Variants in SP140L observed in about 807,000 individuals in gnomAD.
The protein encoded by SP140L is nuclear body protein SP140-like protein.
A neutral mutation model predicts 84.3 loss-of-function variants in SP140L; 64 were observed. The observed-to-expected ratio is 0.76, with a 90% CI of 0.62 to 0.94. The LOEUF (loss-of-function observed/expected upper bound fraction) is 0.94. Ranked by LOEUF, SP140L falls within the 40% of genes least tolerant of loss-of-function variation. SP140L has a pLI of 0.00. For missense variants in SP140L, 628 were observed against 692.5 expected (o/e 0.91, Z 1.05); for synonymous variants, 242 against 236.9 (o/e 1.02, Z -0.20).
chr2:230,336,479 T>A (rs929010048), intron 2 of SP140L, among the ~76,000 whole-genome samples: 4 of 152,202 alleles, frequency 2.6e-5, no homozygotes, highest in Admixed American at 2.6e-4. Context: ...ACCTGTTTCA[T>A]GAGAATCTAT....
Position 230,375,814 on chromosome 2 carries a change from C to T in SP140L, c.637+4163C>T, listed in dbSNP as rs915856210. On this transcript the variant is annotated intron_variant, in intron 7 of 18. Coordinates refer to ENST00000415673, the MANE Select transcript of SP140L (RefSeq NM_138402.6). ...TCCTTATATATTCTGGGCAATAACC[C>T]TTATCAAATACATGGTTTGCAAATA... is the stretch of plus-strand genomic sequence containing the variant. Among the ~76,000 whole-genome samples, 8 of 152,084 alleles carry T rather than the reference C, an allele frequency of 5.3e-5. No homozygotes were observed. In the East Asian group the frequency reaches 1.5e-3, roughly 29 times the overall value.
chr2:230,402,909 A>G lies in SP140L; in HGVS notation c.*13A>G. 1 of 1,594,412 alleles carries G rather than the reference A, an allele frequency of 6.3e-7. No individual in the cohort carries two copies. Among genetic ancestry groups the G allele is most frequent in the Non-Finnish European group, 8.5e-7 (1 of 1,171,500 alleles). The stretch of plus-strand genomic sequence containing the variant: ...TGGGAACAGTTGACTGGTTTAGTGG[A>G]TGCTGAAGGCCTTCAGGAAATATGC... On this transcript the variant is annotated 3_prime_UTR_variant, in exon 19 of 19. Transcript: ENST00000415673.
At chr2:230,376,837 G>A (rs1301097699) in intron 7 of SP140L, among the ~76,000 whole-genome samples, 1 of 152,004 alleles carries the variant, frequency 6.6e-6, no homozygotes, top group Non-Finnish European at 1.5e-5. Context: ...CAAAGCAAGA[G>A]TAATCAAAAC....
chr2:230,365,939 C>T (rs995013564), intron 5 of SP140L, among the ~76,000 whole-genome samples: 1 of 152,076 alleles, frequency 6.6e-6, no homozygotes, highest in Non-Finnish European at 1.5e-5. Flanking sequence ...AATTAAAAAA[C>T]TCTTCTTGTT....
intron 5 of SP140L, among the ~76,000 whole-genome samples, chr2:230,366,742 A>ATTATTT (rs1335513353): frequency 6.9e-6 from 1 of 144,030 alleles, no homozygotes; most frequent in Non-Finnish European, 1.5e-5. Flanking sequence ...TATTATTATT[A>ATTATTT]TTATTTTTGG....
At chr2:230,369,474 A>G (rs2060986563) in intron 5 of SP140L, among the ~76,000 whole-genome samples, 1 of 152,248 alleles carries the variant, frequency 6.6e-6, no homozygotes, top group South Asian at 2.1e-4. Flanking sequence ...TTGGAGGTTC[A>G]GACCATGTGT....
Position 230,402,959 on chromosome 2 carries a change from T to G in SP140L, c.*63T>G, listed in dbSNP as rs2062422407. The G allele has an allele frequency of 7.4e-7, 1 of 1,349,992 alleles. No individual in the cohort carries two copies. The highest frequency in any genetic ancestry group is 1.5e-5 in the African/African-American group (1 of 67,630). 83.6% of individuals were successfully genotyped at this position (1,349,992 alleles called of 1,614,324 possible). Reference sequence around the variant, plus strand: ...CTACTGGTTGCCACTGACTTCAAACTGAGAGCACTTGGGAAATAGCACATG... The same window carrying G: ...CTACTGGTTGCCACTGACTTCAAACGGAGAGCACTTGGGAAATAGCACATG... On this transcript the variant is annotated 3_prime_UTR_variant, in exon 19 of 19. Transcript: ENST00000415673.
chr2:230,355,675 A>G (rs1192592246), intron 2 of SP140L, among the ~76,000 whole-genome samples: 1 of 152,192 alleles, frequency 6.6e-6, no homozygotes, highest in Non-Finnish European at 1.5e-5. Flanking sequence ...AGGATAGACA[A>G]ACAGATCAAT....
intron 2 of SP140L, among the ~76,000 whole-genome samples, chr2:230,334,418 G>T (rs554373433): frequency 4.2e-4 from 64 of 152,258 alleles, no homozygotes; most frequent in African/African-American, 1.5e-3. Flanking sequence ...TATTACAGGT[G>T]GTTTCATGGG....
In SP140L at chr2:230,370,901, T is replaced by C. The variant is rs1559436395; in HGVS notation, c.524-7T>C. 3.1e-6 allele frequency: 5 copies of C among 1,613,186 alleles called. No homozygotes were observed. In the African/African-American group the frequency reaches 6.7e-5, roughly 22 times the overall value. The stretch of plus-strand genomic sequence containing the variant: ...TGAGAAGTGTTCCTATGTCATGTGT[T>C]TCTCAGGAGAAGTGCCAGAAAGCCC... On this transcript the variant is annotated splice_region_variant and splice_polypyrimidine_tract_variant and intron_variant, in intron 5 of 18. Coordinates refer to ENST00000415673, the MANE Select transcript of SP140L (RefSeq NM_138402.6).
chr2:230,391,932 AT>A, intron 11 of SP140L, 154 bp from the exon 12 acceptor site: 5 of 1,006,014 alleles, frequency 5.0e-6, no homozygotes, highest in Non-Finnish European at 7.3e-6. Flanking sequence ...TTCAGGCTGG[AT>A]TTGGGGCCTC....
intron 2 of SP140L, among the ~76,000 whole-genome samples, chr2:230,352,158 C>T (rs1306007648): frequency 1.3e-5 from 2 of 151,566 alleles, no homozygotes; most frequent in Non-Finnish European, 2.9e-5. Context: ...TGTGTATTTG[C>T]TATTTAGTCT....
chr2:230,372,374 G>GA (rs1238836381), intron 7 of SP140L: 7 of 152,130 alleles, frequency 4.6e-5, no homozygotes, highest in Admixed American at 1.3e-4. Context: ...AATCCTAGAT[G>GA]AAAAAATGGA....
At chr2:230,371,561 A>AATTT (rs1229383611) in intron 6 of SP140L, 37 bp from the exon 7 acceptor site, 1 of 1,502,610 alleles carries the variant, frequency 6.7e-7, no homozygotes, top group African/African-American at 1.4e-5. Flanking sequence ...TTTATTTATT[A>AATTT]ATTTCTGTTT....
intron 11 of SP140L, among the ~76,000 whole-genome samples, chr2:230,391,232 T>C (rs1371154668): frequency 6.6e-6 from 1 of 152,228 alleles, no homozygotes; most frequent in Non-Finnish European, 1.5e-5. Flanking sequence ...GGAGTGTATA[T>C]TCAAGAAAGG....
At position 230,385,385 on chromosome 2, in the gene SP140L, A is replaced by G. The variant is rs1213699024; in HGVS notation, c.784+81A>G. 8.4e-6 allele frequency: 11 copies of G among 1,313,248 alleles called. No individual in the cohort carries two copies. The African/African-American group carries it at 8.8e-5, about 11-fold the overall frequency. The allele number at this position is 1,313,248 out of a possible 1,614,324, so 81.3% of individuals were successfully genotyped here. A position where few individuals can be genotyped will look rare whatever the true frequency, so the allele number is the denominator to read the frequency against. ...AGGTTTTGAGGAGCCTAGAAGCTTTATTGTTTACTAGTCAAACTTAGTCAA... is the reference window on the plus strand; with the variant it reads ...AGGTTTTGAGGAGCCTAGAAGCTTTGTTGTTTACTAGTCAAACTTAGTCAA... On this transcript the variant is annotated intron_variant, in intron 9 of 18. Coordinates refer to ENST00000415673, the MANE Select transcript of SP140L (RefSeq NM_138402.6).
At chr2:230,344,180 C>G (rs2060144065) in intron 2 of SP140L, among the ~76,000 whole-genome samples, 1 of 152,132 alleles carries the variant, frequency 6.6e-6, no homozygotes, top group Admixed American at 6.5e-5. Context: ...TTTCTAATAA[C>G]CTGCTTTATG....
Position 230,361,623 on chromosome 2 carries a change from A to T in SP140L, c.449A>T (p.Asp150Val). The part of the protein sequence containing the change: ...IYKSFKNAIQ[D>V]KLSFQESDRK... ...CTCTCCCACTCTTCAGCAATCCAAGACAAATTGTCTTTCCAAGAAAGTGAT... is the reference window on the plus strand; with the variant it reads ...CTCTCCCACTCTTCAGCAATCCAAGTCAAATTGTCTTTCCAAGAAAGTGAT... The change falls in exon 5 of 19, where the codon GAC becomes GTC. Residue 150 changes from aspartate to valine, a missense_variant. Around this residue, in one of 4 missense-constraint regions of SP140L, gnomAD observed 525 missense variants for 518.4 expected, o/e 1.01. Coordinates refer to ENST00000415673, the MANE Select transcript of SP140L (RefSeq NM_138402.6). 2.6e-6 allele frequency: 4 copies of T among 1,558,970 alleles called. No homozygotes were observed. Among genetic ancestry groups the T allele is most frequent in the Non-Finnish European group, 2.6e-6 (3 of 1,150,320 alleles).
At chr2:230,369,078 T>C (rs1365404969) in intron 5 of SP140L, among the ~76,000 whole-genome samples, 1 of 152,228 alleles carries the variant, frequency 6.6e-6, no homozygotes, top group Non-Finnish European at 1.5e-5. Context: ...AAGGACTTAT[T>C]TCAGCCTCTG....
Sources: allele counts gnomAD v4.1 joint callset (sites outside exome capture counted in the v4.1 genomes callset), GRCh38; gene constraint gnomAD v4.1.1; regional missense constraint gnomAD v4.1.1; transcripts MANE v1.5; gene names NCBI Gene and HGNC (gene_info 2026-07-23, HGNC 2026-07-21).